DAPK2: variants seen among roughly 807,000 people sequenced by gnomAD.
The protein encoded by DAPK2 is death-associated protein kinase 2.
A neutral mutation model predicts 44.1 loss-of-function variants in DAPK2; 35 were observed. That is an observed-to-expected ratio of 0.79 (90% CI 0.61 to 1.05). The LOEUF (loss-of-function observed/expected upper bound fraction) is 1.05, where lower values mean the gene tolerates loss of function less well. Ranked by LOEUF, DAPK2 falls within the 50% of genes least tolerant of loss-of-function variation. DAPK2 has a pLI of 0.00. For missense variants in DAPK2, 453 were observed against 483.2 expected (o/e 0.94, Z 0.59); for synonymous variants, 174 against 182.6 (o/e 0.95, Z 0.38).
At chr15:64,010,683 T>A (rs764164409) in intron 1 of DAPK2, among the ~76,000 whole-genome samples, 1 of 152,190 alleles carries the variant, frequency 6.6e-6, no homozygotes, top group Non-Finnish European at 1.5e-5. Flanking sequence ...CTCATTTGTC[T>A]ACCCATCCCC....
intron 1 of DAPK2, among the ~76,000 whole-genome samples, chr15:64,006,986 T>C (rs1211204069): frequency 6.6e-6 from 1 of 152,168 alleles, no homozygotes; most frequent in African/African-American, 2.4e-5. Context: ...AAAACCTGCA[T>C]GGGCTGCAGG....
intron 3 of DAPK2, among the ~76,000 whole-genome samples, chr15:63,961,327 A>G (rs2077894475): frequency 6.6e-6 from 1 of 152,166 alleles, no homozygotes; most frequent in African/African-American, 2.4e-5. Flanking sequence ...TAATTGGAGC[A>G]TTTAGCCCAT....
intron 8 of DAPK2, among the ~76,000 whole-genome samples, chr15:63,914,578 T>C (rs2078878602): frequency 6.6e-6 from 1 of 152,108 alleles, no homozygotes; most frequent in Non-Finnish European, 1.5e-5. Flanking sequence ...CCTTGCCTTT[T>C]CCCTTCTCCA....
At chr15:64,028,028 C>CGGTATCTATCTA (rs2079899914) in intron 1 of DAPK2, among the ~76,000 whole-genome samples, 1 of 74,738 alleles carries the variant, frequency 1.3e-5, no homozygotes, top group African/African-American at 5.2e-5. Flanking sequence ...AGTACATAAA[C>CGGTATCTATCTA]TGTATCTATC....
At chr15:64,015,539 A>G (rs1385107711) in intron 1 of DAPK2, among the ~76,000 whole-genome samples, 1 of 152,210 alleles carries the variant, frequency 6.6e-6, no homozygotes, top group East Asian at 1.9e-4. Flanking sequence ...TCCCTAAAAT[A>G]TATTTCCATA....
chr15:63,959,378 C>G (rs968565493), intron 3 of DAPK2, among the ~76,000 whole-genome samples: 1 of 152,186 alleles, frequency 6.6e-6, no homozygotes, highest in Non-Finnish European at 1.5e-5. Flanking sequence ...CTGGCCAGAA[C>G]TTCCAACACT....
intron 2 of DAPK2, among the ~76,000 whole-genome samples, chr15:63,973,293 G>A (rs1245174264): frequency 6.6e-6 from 1 of 152,262 alleles, no homozygotes; most frequent in Non-Finnish European, 1.5e-5. Context: ...CCTGGGCAGA[G>A]AACTGCCTTT....
At chr15:63,952,327 T>C (rs2077611679) in intron 3 of DAPK2, among the ~76,000 whole-genome samples, 2 of 152,108 alleles carry the variant, frequency 1.3e-5, no homozygotes, top group South Asian at 2.1e-4. Flanking sequence ...GTGGCAAGGA[T>C]GGTGAAAGTG....
chr15:63,933,072 C>G (rs1471899497), intron 4 of DAPK2, among the ~76,000 whole-genome samples: 3 of 152,056 alleles, frequency 2.0e-5, no homozygotes, highest in African/African-American at 7.2e-5. Flanking sequence ...GAAAGACTTT[C>G]TTTAGGTCAG....
chr15:63,930,100 T>C (rs1413818381), intron 5 of DAPK2, among the ~76,000 whole-genome samples: 1 of 152,190 alleles, frequency 6.6e-6, no homozygotes, highest in Non-Finnish European at 1.5e-5. Context: ...CTGTTACTAT[T>C]ATATTTAACC....
At chr15:64,034,869 A>G (rs945263680) in intron 1 of DAPK2, among the ~76,000 whole-genome samples, 5 of 152,244 alleles carry the variant, frequency 3.3e-5, no homozygotes, top group Non-Finnish European at 7.3e-5. Context: ...TTAATATAAT[A>G]TAAGTAAAGA....
intron 3 of DAPK2, among the ~76,000 whole-genome samples, chr15:63,943,848 T>G (rs1372628692): frequency 6.6e-6 from 1 of 151,928 alleles, no homozygotes; most frequent in African/African-American, 2.4e-5. Context: ...TGTACTCCAG[T>G]CTGGGTGACA....
At position 63,923,391 on chromosome 15, in the gene DAPK2, C is replaced by T; in HGVS notation, c.858+1425G>A. The T allele has an allele frequency of 6.6e-7, 1 of 1,511,082 alleles. No homozygotes were observed. The highest frequency in any genetic ancestry group is 8.8e-7 in the Non-Finnish European group (1 of 1,132,542). The allele number at this position is 1,511,082 out of a possible 1,614,324, so 93.6% of individuals were successfully genotyped here. A position where few individuals can be genotyped will look rare whatever the true frequency, so the allele number is the denominator to read the frequency against. ...AATCAGAGTGTTAATTTGCCGCCCA[C>T]CCCAGAGGGCAGTCCAAAGGGTAGG... On this transcript the variant is annotated intron_variant, in intron 8 of 10. Transcript: ENST00000261891. This position sits in a 1 kb window ranked among gnomAD's most constrained non-coding sequence, Gnocchi z 4.2.
intron 5 of DAPK2, among the ~76,000 whole-genome samples, chr15:63,930,068 G>C (rs1248161126): frequency 6.6e-6 from 1 of 152,208 alleles, no homozygotes; most frequent in East Asian, 1.9e-4. Flanking sequence ...GTGATGACTT[G>C]GTTGGCTGAC....
intron 1 of DAPK2, among the ~76,000 whole-genome samples, chr15:63,986,179 C>G (rs2078663878): frequency 6.6e-6 from 1 of 152,202 alleles, no homozygotes; most frequent in Non-Finnish European, 1.5e-5. Flanking sequence ...CAGACCCAGC[C>G]CCCAGGCTTC....
intron 5 of DAPK2, 136 bp downstream of exon 6, chr15:63,930,271 G>T: frequency 2.2e-6 from 2 of 891,640 alleles, no homozygotes; most frequent in Non-Finnish European, 1.8e-6. Flanking sequence ...CACATCGGGG[G>T]AGCAGCCAGA....
exon 2 of DAPK2, chr15:63,983,576 C>T (rs1403509203): frequency 5.0e-6 from 8 of 1,614,216 alleles, no homozygotes; most frequent in Non-Finnish European, 5.9e-6. Flanking sequence ...TCATAGACGT[C>T]GTGCAGCGTG....
At chr15:63,983,109 C>A (rs958494655) in intron 2 of DAPK2, among the ~76,000 whole-genome samples, 3 of 152,198 alleles carry the variant, frequency 2.0e-5, no homozygotes, top group Admixed American at 1.3e-4. Flanking sequence ...TCGCAGAGCC[C>A]AGAGATGTTT....
upstream of DAPK2, chr15:64,046,390 G>GCGCGGCGGGC: frequency 3.1e-6 from 1 of 324,546 alleles, no homozygotes; most frequent in Non-Finnish European, 4.4e-6. The surrounding 1 kb of genome is among the most constrained non-coding windows in gnomAD (Gnocchi z 5.3). Context: ...GGCGCGGCGG[G>GCGCGGCGGGC]AACGGGGGAC....
Sources: allele counts gnomAD v4.1 joint callset (sites outside exome capture counted in the v4.1 genomes callset), GRCh38; gene constraint gnomAD v4.1.1; non-coding constraint Gnocchi (gnomAD v3.1); transcripts MANE v1.5; gene names NCBI Gene and HGNC (gene_info 2026-07-23, HGNC 2026-07-21).